Variants in MMP16 observed in about 807,000 individuals in gnomAD.
The protein encoded by MMP16 is matrix metallopeptidase 16, also known as matrix metalloproteinase-16.
In MMP16, 12 loss-of-function variants were observed where a neutral mutation model predicts 67.8. That is an observed-to-expected ratio of 0.18 (90% CI 0.11 to 0.29). The LOEUF (loss-of-function observed/expected upper bound fraction) is 0.29. Ranked by LOEUF, MMP16 falls within the 10% of genes least tolerant of loss-of-function variation. The probability of loss-of-function intolerance (pLI) is 1.00; values close to 1 mark genes in which losing one functional copy is unlikely to be tolerated. For synonymous variants in MMP16, 249 were observed against 255.9 expected (o/e 0.97, Z 0.26); for missense variants, 475 against 765.7 (o/e 0.62, Z 4.48).
At chr8:88,216,262 T>TA (rs1177412175) in intron 1 of MMP16, among the ~76,000 whole-genome samples, 2 of 152,146 alleles carry the variant, frequency 1.3e-5, no homozygotes, top group Non-Finnish European at 2.9e-5. Flanking sequence ...GACAGTTTTT[T>TA]AAAAAAATTA....
intron 1 of MMP16, among the ~76,000 whole-genome samples, chr8:88,269,323 A>G (rs753917293): frequency 1.3e-4 from 20 of 152,120 alleles, no homozygotes; most frequent in Non-Finnish European, 2.5e-4. Context: ...TGAATGACCT[A>G]AAACATAAAA....
chr8:88,196,351 C>T (rs990643855), intron 2 of MMP16, among the ~76,000 whole-genome samples: 3 of 152,114 alleles, frequency 2.0e-5, no homozygotes, highest in African/African-American at 7.2e-5. Context: ...AAAAGTAATG[C>T]TGTTTCATAA....
chr8:88,255,424 C>T (rs1485766390), intron 1 of MMP16, among the ~76,000 whole-genome samples: 10 of 152,130 alleles, frequency 6.6e-5, no homozygotes, highest in Admixed American at 5.9e-4. Flanking sequence ...GTTATCCAGC[C>T]TCAGGTGGTA....
intron 4 of MMP16, among the ~76,000 whole-genome samples, chr8:88,150,701 T>G (rs1350921473): frequency 1.5e-5 from 2 of 131,982 alleles, no homozygotes; most frequent in Non-Finnish European, 3.2e-5. Context: ...CTAAAAGAGC[T>G]CCTGAAGGAA....
chr8:88,161,946 A>G (rs1159780640), intron 4 of MMP16, among the ~76,000 whole-genome samples: 1 of 151,960 alleles, frequency 6.6e-6, no homozygotes, highest in Non-Finnish European at 1.5e-5. Context: ...CTGTTCTTTT[A>G]CATTTGCTGA....
At chr8:88,195,516 G>A (rs1315372277) in intron 2 of MMP16, among the ~76,000 whole-genome samples, 1 of 152,158 alleles carries the variant, frequency 6.6e-6, no homozygotes, top group Non-Finnish European at 1.5e-5. Context: ...GTGATGAGGA[G>A]TACAATTTAA....
intron 6 of MMP16, among the ~76,000 whole-genome samples, chr8:88,081,573 G>C (rs148499277): frequency 7.6e-4 from 115 of 152,152 alleles, no homozygotes; most frequent in African/African-American, 2.7e-3. Flanking sequence ...AATACAGTGA[G>C]ACCCCCATCT....
chr8:88,227,220 T>G (rs1191045322), intron 1 of MMP16, among the ~76,000 whole-genome samples: 1 of 152,036 alleles, frequency 6.6e-6, no homozygotes, highest in Non-Finnish European at 1.5e-5. Context: ...GGAAAATAAC[T>G]TAAATTCTTA....
At chr8:88,104,625 AAT>A (rs1491273740) in intron 6 of MMP16, among the ~76,000 whole-genome samples, 66 of 137,574 alleles carry the variant, frequency 4.8e-4, no homozygotes, top group African/African-American at 1.5e-3. Context: ...GATAATAATA[AAT>A]ATGTTAATAA....
intron 4 of MMP16, among the ~76,000 whole-genome samples, chr8:88,132,162 G>A (rs971389858): frequency 3.3e-5 from 5 of 151,564 alleles, no homozygotes; most frequent in Admixed American, 1.3e-4. Context: ...TAAATTACTC[G>A]TACATCCCTT....
Position 88,032,913 on chromosome 8 carries a change from A to G in MMP16, c.*8548T>C, listed in dbSNP as rs1808004551. The G allele has an allele frequency of 6.6e-6, 1 of 152,114 alleles. No homozygotes were observed. Among genetic ancestry groups the G allele is most frequent in the African/African-American group, 2.4e-5 (1 of 41,446 alleles). 9.4% of individuals were successfully genotyped at this position (152,114 alleles called of 1,614,324 possible). A position where few individuals can be genotyped will look rare whatever the true frequency, so the allele number is the denominator to read the frequency against. The stretch of plus-strand genomic sequence containing the variant: ...GAACAATGCAGAAACTTAAATCTAG[A>G]TTTTAATACTCTCTCCATAATTGAA... On this transcript the variant is annotated 3_prime_UTR_variant, in exon 10 of 10. Transcript: ENST00000286614.
intron 4 of MMP16, among the ~76,000 whole-genome samples, chr8:88,122,337 A>G (rs1807853688): frequency 6.6e-6 from 1 of 151,974 alleles, no homozygotes; most frequent in African/African-American, 2.4e-5. Flanking sequence ...AAGAAAAATC[A>G]AAGTCATCTC....
At chr8:88,283,251 C>T (rs2129998993) in intron 1 of MMP16, among the ~76,000 whole-genome samples, 1 of 152,252 alleles carries the variant, frequency 6.6e-6, no homozygotes, top group East Asian at 1.9e-4. Context: ...TCATATTCTT[C>T]ATTATTTGGC....
intron 1 of MMP16, among the ~76,000 whole-genome samples, chr8:88,231,340 A>T (rs1445398193): frequency 6.6e-6 from 1 of 152,188 alleles, no homozygotes; most frequent in Non-Finnish European, 1.5e-5. Flanking sequence ...ATAGATTTCT[A>T]GTGTGTGCTG....
At chr8:88,291,701 A>G (rs1810928318) in intron 1 of MMP16, among the ~76,000 whole-genome samples, 4 of 152,240 alleles carry the variant, frequency 2.6e-5, no homozygotes, top group African/African-American at 9.6e-5. Context: ...AGTCCCAAGC[A>G]AGGCAAAAAC....
Position 88,108,546 on chromosome 8 carries a change from G to A in MMP16, c.1083+7961C>T, listed in dbSNP as rs1809281631. Among the ~76,000 whole-genome samples the A allele has an allele frequency of 2.0e-5, 3 of 151,176 alleles. No homozygotes were observed. The Admixed American group carries it at 2.0e-4, about 10-fold the overall frequency. ...GTAATATGGAATATCTGGAGGTGCA[G>A]CATCCATCCTGAAAAACTGAGGACT... On this transcript the variant is annotated intron_variant, in intron 6 of 9. Coordinates refer to ENST00000286614, the MANE Select transcript of MMP16 (RefSeq NM_005941.5).
chr8:88,165,666 G>A (rs528996869), intron 4 of MMP16, among the ~76,000 whole-genome samples: 1 of 152,142 alleles, frequency 6.6e-6, no homozygotes, highest in South Asian at 2.1e-4. Context: ...GTGTCAAACT[G>A]GTATGCCCCA....
intron 6 of MMP16, among the ~76,000 whole-genome samples, chr8:88,113,875 T>C (rs1316920398): frequency 2.0e-5 from 3 of 151,978 alleles, no homozygotes; most frequent in Non-Finnish European, 4.4e-5. Flanking sequence ...GCCTACAGTA[T>C]GAGTGCAATA....
intron 1 of MMP16, among the ~76,000 whole-genome samples, chr8:88,311,617 T>C (rs1811295888): frequency 6.6e-6 from 1 of 152,208 alleles, no homozygotes; most frequent in Non-Finnish European, 1.5e-5. Flanking sequence ...TTTTAATGAA[T>C]TTCTAAATAA....
Sources: gnomAD v4.1 joint callset for allele counts (sites outside exome capture counted in the v4.1 genomes callset) on GRCh38, gnomAD v4.1.1 for gene constraint, MANE v1.5 for transcripts, NCBI Gene and HGNC (gene_info 2026-07-23, HGNC 2026-07-21) for gene names.